Variants in CLINT1 observed in about 807,000 individuals in gnomAD.
CLINT1 encodes clathrin interacting protein localized in the trans-Golgi region.
Under a neutral mutation model 70.4 loss-of-function variants are expected in CLINT1, and 15 were observed. The observed-to-expected ratio is 0.21, with a 90% CI of 0.14 to 0.33. CLINT1 has a LOEUF of 0.33. Ranked by LOEUF, CLINT1 falls within the 10% of genes least tolerant of loss-of-function variation. CLINT1 has a pLI of 1.00. For synonymous variants in CLINT1, 227 were observed against 254.7 expected (o/e 0.89, Z 1.04); for missense variants, 615 against 778.1 (o/e 0.79, Z 2.49).
intron 1 of CLINT1, among the ~76,000 whole-genome samples, chr5:157,851,274 A>T (rs1346872283): frequency 6.6e-6 from 1 of 152,206 alleles, no homozygotes; most frequent in African/African-American, 2.4e-5. Flanking sequence ...AAAAGCACGC[A>T]TGTACGTTTA....
chr5:157,826,055 T>C (rs62389016), intron 1 of CLINT1, among the ~76,000 whole-genome samples: 98 of 152,096 alleles, frequency 6.4e-4, no homozygotes, highest in Non-Finnish European at 1.2e-3. Context: ...GTTTTTCAGT[T>C]TGAGGAAGAA....
intron 10 of CLINT1, chr5:157,789,752 G>A (rs1334724927): frequency 1.7e-6 from 1 of 593,342 alleles, no homozygotes; most frequent in African/African-American, 1.9e-5. Flanking sequence ...TCAGGTTTGA[G>A]GTGGATAAAA....
Position 157,787,807 on chromosome 5 carries a change from T to C in CLINT1, c.1717A>G (p.Asn573Asp), listed in dbSNP as rs1402781498. 2 of 1,613,974 alleles carry C rather than the reference T, an allele frequency of 1.2e-6. No homozygotes were observed. The highest frequency in any genetic ancestry group is 1.6e-4 in the Middle Eastern group (1 of 6,062). Residue 573 changes from asparagine (N) to aspartate (D), a missense_variant, in exon 12 of 12, where the codon AAC becomes GAC. Around this residue, in one of 2 missense-constraint regions of CLINT1, gnomAD observed 374 missense variants for 409.6 expected, o/e 0.91. Transcript: ENST00000411809. Reference protein sequence around the residue: ...MAPLGNTPMMNQSMMGMNMNI... With the variant: ...MAPLGNTPMMDQSMMGMNMNI... ...ATGTTCATGCCCATCATGCTCTGGT[T>C]CATCATCGGAGTATTTCCAAGAGGG... is the stretch of plus-strand genomic sequence containing the variant.
intron 3 of CLINT1, 101 bp downstream of exon 3, chr5:157,816,633 T>C (rs1393473130): frequency 1.5e-5 from 11 of 723,506 alleles, no homozygotes; most frequent in Non-Finnish European, 1.8e-5. Flanking sequence ...TATTCTATTC[T>C]AGGATTTAAT....
intron 1 of CLINT1, among the ~76,000 whole-genome samples, chr5:157,830,102 C>T (rs892076334): frequency 9.2e-5 from 14 of 151,814 alleles, no homozygotes; most frequent in African/African-American, 3.4e-4. Context: ...ATGCATGCCA[C>T]CACGCCAGTT....
chr5:157,852,665 A>G (rs374527211), intron 1 of CLINT1, among the ~76,000 whole-genome samples: 1 of 152,370 alleles, frequency 6.6e-6, no homozygotes, highest in East Asian at 1.9e-4. Context: ...AAATAAAGAT[A>G]CCATTCTAAC....
At chr5:157,832,996 C>T (rs1763292137) in intron 1 of CLINT1, among the ~76,000 whole-genome samples, 1 of 152,174 alleles carries the variant, frequency 6.6e-6, no homozygotes, top group Non-Finnish European at 1.5e-5. Flanking sequence ...AAATACAAAT[C>T]CTTACTAATT....
intron 1 of CLINT1, among the ~76,000 whole-genome samples, chr5:157,836,622 CA>C (rs746875070): frequency 6.6e-6 from 1 of 152,244 alleles, no homozygotes; most frequent in Non-Finnish European, 1.5e-5. Flanking sequence ...CAGTGGCTTA[CA>C]AACCTCTGAA....
chr5:157,813,080 A>G lies in CLINT1; in HGVS notation c.500T>C (p.Val167Ala). 1.9e-6 allele frequency: 3 copies of G among 1,613,862 alleles called. No individual in the cohort carries two copies. Among genetic ancestry groups the G allele is most frequent in the Non-Finnish European group, 1.7e-6 (2 of 1,179,796 alleles). The change falls in exon 5 of 12, where the codon GTT becomes GCT. Residue 167 changes from valine (V) to alanine (A), a missense_variant. By Grantham distance (64) the Val-to-Ala change is moderately conservative. Coordinates refer to ENST00000411809, the MANE Select transcript of CLINT1 (RefSeq NM_014666.4). ...ATACTCACTGTATCTGAATCCTCCA[A>G]CACTGTCTGAGGAAACCCCAACATA... is the stretch of plus-strand genomic sequence containing the variant. ...DKYVGVSSDS[V>A]GGFRYSERYD...
At chr5:157,793,082 T>C (rs2291935) in intron 9 of CLINT1, among the ~76,000 whole-genome samples, 20,376 of 152,188 alleles carry the variant, frequency 0.13, 1,794 homozygotes, top group African/African-American at 0.25. Flanking sequence ...ATTCTTCTAT[T>C]ACCATATTAA....
intron 1 of CLINT1, among the ~76,000 whole-genome samples, chr5:157,821,868 G>A (rs1351586222): frequency 6.6e-6 from 1 of 152,166 alleles, no homozygotes; most frequent in East Asian, 1.9e-4. Context: ...AAAATCCATA[G>A]ACACAATCAT....
intron 10 of CLINT1, chr5:157,789,780 C>A (rs774126134): frequency 7.4e-5 from 41 of 551,890 alleles, no homozygotes; most frequent in Non-Finnish European, 1.1e-4. Flanking sequence ...CTTACCTACA[C>A]TAACAATTAT....
In CLINT1 at chr5:157,788,880, T is replaced by C. The variant is rs571716038; in HGVS notation, c.1531+483A>G. Among the ~76,000 whole-genome samples the C allele has an allele frequency of 3.4e-3, 502 of 149,092 alleles. 5 individuals are homozygous for C. The highest frequency in any genetic ancestry group is 3.0e-3 in the Non-Finnish European group (202 of 67,648). On this transcript the variant is annotated intron_variant, in intron 11 of 11. Transcript: ENST00000411809. The stretch of plus-strand genomic sequence containing the variant: ...CTACTCGGAAGGCTGAGGCAAGGAA[T>C]TGCTTAAAACTGGGAGGTGGAGGCT...
rs550167578 is a variant in CLINT1, at chr5:157,851,635, A to C, written c.41+7295T>G. Among the ~76,000 whole-genome samples the C allele has an allele frequency of 2.0e-5, 3 of 150,982 alleles. No homozygotes were observed. The South Asian group carries it at 6.3e-4, about 32-fold the overall frequency. ...TCGCTTAAACCTAGGAGGCTGAAGC[A>C]GAGATGGCACCATTACACTCCAGCC... On this transcript the variant is annotated intron_variant, in intron 1 of 11. Coordinates refer to ENST00000411809, the MANE Select transcript of CLINT1 (RefSeq NM_014666.4).
intron 1 of CLINT1, among the ~76,000 whole-genome samples, chr5:157,834,133 C>T (rs940856679): frequency 2.6e-5 from 4 of 151,000 alleles, no homozygotes; most frequent in East Asian, 2.0e-4. Flanking sequence ...CCTAGGCAAG[C>T]GGATTGCCTA....
At chr5:157,840,176 C>A (rs13181113) in intron 1 of CLINT1, among the ~76,000 whole-genome samples, 1 of 110,994 alleles carries the variant, frequency 9.0e-6, no homozygotes. Context: ...ACCTGGGCAA[C>A]AGCGTGAGAC....
chr5:157,833,810 G>A (rs888257268), intron 1 of CLINT1, among the ~76,000 whole-genome samples: 7 of 151,682 alleles, frequency 4.6e-5, no homozygotes, highest in African/African-American at 1.5e-4. Context: ...GCAAGGTGGT[G>A]TGCACCTGCA....
intron 1 of CLINT1, among the ~76,000 whole-genome samples, chr5:157,827,422 C>T (rs1763073753): frequency 6.6e-6 from 1 of 152,010 alleles, no homozygotes. Flanking sequence ...AATTTTAATG[C>T]CTCAAAAAAT....
At chr5:157,792,258 A>AG (rs1193587777) in intron 9 of CLINT1, among the ~76,000 whole-genome samples, 1 of 151,984 alleles carries the variant, frequency 6.6e-6, no homozygotes, top group Non-Finnish European at 1.5e-5. Context: ...TTTACCATAA[A>AG]AAAAAATGGC....
Sources: gnomAD v4.1 joint callset for allele counts (sites outside exome capture counted in the v4.1 genomes callset) on GRCh38, gnomAD v4.1.1 for gene constraint, gnomAD v4.1.1 regional missense constraint, MANE v1.5 for transcripts, NCBI Gene and HGNC (gene_info 2026-07-23, HGNC 2026-07-21) for gene names.